HACL1: variants seen among roughly 807,000 people sequenced by gnomAD.
HACL1 encodes the protein 2-hydroxyacyl-CoA lyase 1, also known as 1600020H07Rik.
Under a neutral mutation model 74.2 loss-of-function variants are expected in HACL1, and 64 were observed. The observed-to-expected ratio is 0.86, with a 90% CI of 0.70 to 1.06. The LOEUF is 1.06. Among genes scored for constraint, HACL1 ranks in the 50% least tolerant of loss-of-function variants. HACL1 has a pLI of 0.00. For synonymous variants in HACL1, 230 were observed against 238.8 expected (o/e 0.96, Z 0.34); for missense variants, 728 against 719.7 (o/e 1.01, Z -0.13).
chr3:15,567,727 T>C, intron 14 of HACL1, 117 bp downstream of exon 14: 1 of 892,564 alleles, frequency 1.1e-6, no homozygotes, highest in Non-Finnish European at 1.8e-6. Context: ...CAGAACACAG[T>C]GCTGTGCACA....
chr3:15,566,984 T>C (rs918514850), intron 14 of HACL1, among the ~76,000 whole-genome samples: 1 of 151,572 alleles, frequency 6.6e-6, no homozygotes, highest in Non-Finnish European at 1.5e-5. Flanking sequence ...CACATCTGGC[T>C]ATTTTTTGTA....
chr3:15,571,620 G>T, intron 12 of HACL1, 48 bp downstream of exon 12: 1 of 845,806 alleles, frequency 1.2e-6, no homozygotes, highest in Non-Finnish European at 2.1e-6. Flanking sequence ...AGAAGTAACT[G>T]AATCATGAGC....
chr3:15,590,797 G>A (rs1333943093), intron 4 of HACL1, among the ~76,000 whole-genome samples: 1 of 152,102 alleles, frequency 6.6e-6, no homozygotes, highest in Admixed American at 6.6e-5. Context: ...AGTGTTTATG[G>A]CAGCTGGGTG....
chr3:15,591,718 T>C, intron 3 of HACL1, 38 bp from the exon 4 acceptor site: 1 of 1,315,374 alleles, frequency 7.6e-7, no homozygotes, highest in Non-Finnish European at 1.1e-6. Context: ...TCAGGTCAAA[T>C]GTAACAACTG....
intron 3 of HACL1, among the ~76,000 whole-genome samples, chr3:15,594,401 C>A (rs2064019504): frequency 6.6e-6 from 1 of 152,110 alleles, no homozygotes; most frequent in East Asian, 1.9e-4. Context: ...GAGTGAGACT[C>A]CAAATAAATA....
At chr3:15,569,599 G>A (rs1368274936) in intron 12 of HACL1, among the ~76,000 whole-genome samples, 4 of 151,742 alleles carry the variant, frequency 2.6e-5, no homozygotes, top group African/African-American at 9.7e-5. Flanking sequence ...AGGTGGGCAG[G>A]TCACCTGAGG....
At chr3:15,566,992 G>T (rs1319838527) in intron 14 of HACL1, among the ~76,000 whole-genome samples, 2 of 150,878 alleles carry the variant, frequency 1.3e-5, no homozygotes, top group Non-Finnish European at 3.0e-5. Context: ...GCTATTTTTT[G>T]TATTTTTAGT....
rs1034728918 is a variant in HACL1, at chr3:15,575,101, T to C, written c.804-19A>G. ...CAAAGCCCTATTAAAAAAATTGATA[T>C]GAAAGTATAACTACATTTCTTATTT... is the stretch of plus-strand genomic sequence containing the variant. On this transcript the variant is annotated intron_variant, in intron 9 of 16. Coordinates refer to ENST00000321169, the MANE Select transcript of HACL1 (RefSeq NM_012260.4). 6.0e-6 allele frequency: 7 copies of C among 1,169,608 alleles called. No individual in the cohort carries two copies. Among genetic ancestry groups the C allele is most frequent in the Non-Finnish European group, 9.0e-6 (7 of 778,154 alleles). 72.5% of individuals were successfully genotyped at this position (1,169,608 alleles called of 1,614,324 possible).
At chr3:15,571,041 G>A (rs1266826567) in intron 12 of HACL1, among the ~76,000 whole-genome samples, 1 of 151,774 alleles carries the variant, frequency 6.6e-6, no homozygotes, top group Admixed American at 6.6e-5. Context: ...GCAGTGGCAT[G>A]ATCTACTACT....
chr3:15,591,491 G>GT lies in HACL1; in HGVS notation c.308+108_308+109insA, dbSNP rs2063892520. On this transcript the variant is annotated intron_variant, in intron 4 of 16. Coordinates refer to ENST00000321169, the MANE Select transcript of HACL1 (RefSeq NM_012260.4). ...ACTTTCAGTTTCTAAGAATTGAAGG[G>GT]GTTTTTTTTTTCCAAGTCTTTCTAC... 1.2e-5 allele frequency: 7 copies of GT among 575,238 alleles called. No individual in the cohort carries two copies. In the East Asian group the frequency reaches 1.3e-4, roughly 11 times the overall value. The allele number at this position is 575,238 out of a possible 1,614,324, so 35.6% of individuals were successfully genotyped here. A position where few individuals can be genotyped will look rare whatever the true frequency, so the allele number is the denominator to read the frequency against.
intron 3 of HACL1, among the ~76,000 whole-genome samples, chr3:15,593,186 CACAT>C (rs1441103323): frequency 2.0e-5 from 3 of 148,976 alleles, no homozygotes; most frequent in Non-Finnish European, 4.5e-5. Flanking sequence ...TATATATACA[CACAT>C]ATATATGTGC....
intron 5 of HACL1, among the ~76,000 whole-genome samples, chr3:15,588,804 A>ATTTTTTTTTTTTTTTTTTTT (rs1553644278): frequency 6.7e-5 from 10 of 149,624 alleles, no homozygotes; most frequent in South Asian, 4.5e-4. Context: ...GTTTCTTTTA[A>ATTTTTTTTTTTTTTTTTTTT]TTTTGACATG....
At chr3:15,561,139 C>T (rs2063339531) in intron 16 of HACL1, among the ~76,000 whole-genome samples, 1 of 152,102 alleles carries the variant, frequency 6.6e-6, no homozygotes, top group Non-Finnish European at 1.5e-5. Context: ...GTAATCAGAG[C>T]ACAAAAACTA....
intron 2 of HACL1, among the ~76,000 whole-genome samples, chr3:15,600,607 C>T (rs1416179983): frequency 6.6e-6 from 1 of 152,208 alleles, no homozygotes; most frequent in Non-Finnish European, 1.5e-5. Context: ...CACCCTGCCC[C>T]GAACCAATCA....
At chr3:15,590,363 G>C (rs2063869297) in intron 4 of HACL1, among the ~76,000 whole-genome samples, 1 of 151,510 alleles carries the variant, frequency 6.6e-6, no homozygotes, top group African/African-American at 2.4e-5. Flanking sequence ...GAAACCTTAA[G>C]GTACTTAAAA....
At chr3:15,591,844 C>T (rs1044275420) in intron 3 of HACL1, among the ~76,000 whole-genome samples, 164 bp from the exon 4 acceptor site, 4 of 149,996 alleles carry the variant, frequency 2.7e-5, no homozygotes, top group African/African-American at 4.9e-5. Context: ...AAAAACAAGG[C>T]GATATATATA....
At chr3:15,568,253 C>A (rs2063468892) in intron 13 of HACL1, among the ~76,000 whole-genome samples, 179 bp downstream of exon 13, 1 of 152,080 alleles carries the variant, frequency 6.6e-6, no homozygotes, top group Non-Finnish European at 1.5e-5. Context: ...ATCATGATAC[C>A]AAGAACACAT....
intron 3 of HACL1, among the ~76,000 whole-genome samples, chr3:15,593,248 CTG>C (rs1288384040): frequency 6.6e-6 from 1 of 150,846 alleles, no homozygotes; most frequent in Admixed American, 6.6e-5. Context: ...GCATCTCACT[CTG>C]TTGCTCAGGC....
In HACL1 at chr3:15,582,041, C is replaced by T. The variant is rs190522965; in HGVS notation, c.667+836G>A. Among the ~76,000 whole-genome samples, 327 of 152,336 alleles carry T rather than the reference C, an allele frequency of 2.1e-3. 3 individuals are homozygous for T. Among genetic ancestry groups the T allele is most frequent in the Non-Finnish European group, 3.9e-3 (263 of 68,038 alleles). Reference sequence around the variant, plus strand: ...CTAATACATCATACAACACATTCCACTCAGTTCTGACCTCAATTTTTTTGT... The same window carrying T: ...CTAATACATCATACAACACATTCCATTCAGTTCTGACCTCAATTTTTTTGT... On this transcript the variant is annotated intron_variant, in intron 8 of 16. Transcript: ENST00000321169.
Sources: gnomAD v4.1 joint callset for allele counts (sites outside exome capture counted in the v4.1 genomes callset) on GRCh38, gnomAD v4.1.1 for gene constraint, MANE v1.5 for transcripts, NCBI Gene and HGNC (gene_info 2026-07-23, HGNC 2026-07-21) for gene names.